The following LARP1 variants were observed in gnomAD, a reference collection of about 807,000 sequenced individuals.
The protein encoded by LARP1 is La ribonucleoprotein 1, translational regulator, also known as la-related protein 1.
In LARP1, 36 loss-of-function variants were observed where a neutral mutation model predicts 122.7. The observed-to-expected ratio is 0.29, with a 90% CI of 0.22 to 0.39. LARP1 has a LOEUF of 0.39. Among genes scored for constraint, LARP1 ranks in the 10% least tolerant of loss-of-function variants. The probability of loss-of-function intolerance (pLI) is 1.00; values close to 1 mark genes in which losing one functional copy is unlikely to be tolerated. For missense variants in LARP1, 1,040 were observed against 1,403.6 expected, an observed-to-expected ratio of 0.74 and a Z score of 4.14; for synonymous variants, 539 against 528.7, an observed-to-expected ratio of 1.02 and a Z score of -0.27.
chr5:154,755,355 T>A (rs1753763003), upstream of LARP1, among the ~76,000 whole-genome samples: 1 of 149,194 alleles, frequency 6.7e-6, no homozygotes, highest in African/African-American at 2.5e-5. Context: ...TCTGCTTGGC[T>A]CGCCGCGCCT....
At chr5:154,763,934 A>C (rs113986514) in intron 1 of LARP1, among the ~76,000 whole-genome samples, 3,914 of 151,918 alleles carry the variant, frequency 0.026, 162 homozygotes, top group African/African-American at 0.09. Context: ...GGATCACTTG[A>C]GCCTTGGGAG....
Position 154,802,662 on chromosome 5 carries a change from T to A in LARP1, c.2109+263T>A, listed in dbSNP as rs1758443749. ...GATCCATAGTTAATATTCTGACAGT[T>A]GGCTAGACACTTTTGTGGGGAACAG... is the stretch of plus-strand genomic sequence containing the variant. On this transcript the variant is annotated intron_variant, in intron 11 of 18. Transcript: ENST00000518297. The surrounding 1 kb of genome is among the most constrained non-coding windows in gnomAD (Gnocchi z 5.1). Among the ~76,000 whole-genome samples the A allele has an allele frequency of 6.6e-6, 1 of 152,218 alleles. No individual in the cohort carries two copies. Among genetic ancestry groups the A allele is most frequent in the Non-Finnish European group, 1.5e-5 (1 of 68,040 alleles).
rs1280502380 is a variant in LARP1, at chr5:154,803,258, A to T, written c.2110-32A>T. ...AGGCTAGAGCAGCCTGCTTACTTACATCTTTCCCCACTCATCTCATGACCT... is the reference window on the plus strand; with the variant it reads ...AGGCTAGAGCAGCCTGCTTACTTACTTCTTTCCCCACTCATCTCATGACCT... On this transcript the variant is annotated intron_variant, in intron 11 of 18. Coordinates refer to ENST00000518297, the MANE Select transcript of LARP1 (RefSeq NM_033551.3). The surrounding 1 kb of genome is among the most constrained non-coding windows in gnomAD (Gnocchi z 4.4). The T allele has an allele frequency of 1.2e-6, 2 of 1,614,060 alleles. No individual in the cohort carries two copies. The highest frequency in any genetic ancestry group is 4.5e-5 in the East Asian group (2 of 44,872).
intron 3 of LARP1, 57 bp from the exon 4 acceptor site, chr5:154,792,565 C>T (rs1437674734): frequency 3.9e-6 from 6 of 1,536,062 alleles, no homozygotes; most frequent in East Asian, 4.5e-5. Flanking sequence ...AGTGCCTTCC[C>T]TCCTATACCA....
intron 10 of LARP1, among the ~76,000 whole-genome samples, chr5:154,800,660 TCTAA>T (rs1443288981): frequency 2.6e-5 from 4 of 152,184 alleles, no homozygotes; most frequent in Admixed American, 6.5e-5. Context: ...TATTGCAATC[TCTAA>T]CTAAAATTAC....
At chr5:154,756,494 C>T (rs1753921717) in intron 1 of LARP1, 9 of 985,976 alleles carry the variant, frequency 9.1e-6, no homozygotes, top group Non-Finnish European at 1.1e-5. Flanking sequence ...GCGCTGGTTT[C>T]AGTGAAACGA....
At chr5:154,760,126 C>A (rs879826241) in intron 1 of LARP1, among the ~76,000 whole-genome samples, 1 of 152,012 alleles carries the variant, frequency 6.6e-6, no homozygotes, top group Non-Finnish European at 1.5e-5. Flanking sequence ...TTTAGTAGAA[C>A]GGGGTTTCTC....
chr5:154,779,578 G>T lies in LARP1; in HGVS notation c.437-10747G>T, dbSNP rs149068762. ...GACTGGAGTGCAGTGGCGCAATCTC[G>T]GCTCACCGCAACCTCCACCTCCCGG... On this transcript the variant is annotated intron_variant, in intron 1 of 18. Transcript: ENST00000518297. Among the ~76,000 whole-genome samples the T allele has an allele frequency of 4.8e-5, 7 of 147,080 alleles. No homozygotes were observed. In the Admixed American group the frequency reaches 4.9e-4, roughly 10 times the overall value.
upstream of LARP1, among the ~76,000 whole-genome samples, chr5:154,752,714 A>G (rs998982007): frequency 2.0e-5 from 3 of 151,792 alleles, no homozygotes; most frequent in African/African-American, 7.3e-5. Flanking sequence ...TGAGGTGGGC[A>G]GATCACCTGA....
rs1047118782 is a variant in LARP1, at chr5:154,815,869, G to C, written c.*1773G>C. 6.6e-6 allele frequency: 1 copy of C among 152,366 alleles called. No homozygotes were observed. Among genetic ancestry groups the C allele is most frequent in the Non-Finnish European group, 1.5e-5 (1 of 68,094 alleles). The allele number at this position is 152,366 out of a possible 1,614,324, so 9.4% of individuals were successfully genotyped here. On this transcript the variant is annotated 3_prime_UTR_variant, in exon 19 of 19. Transcript: ENST00000518297. ...ACCCACATGGACTGGGATGTGTGTC[G>C]GTTATGGGCATGACTGCACGTTCAC... is the stretch of plus-strand genomic sequence containing the variant.
upstream of LARP1, among the ~76,000 whole-genome samples, chr5:154,751,508 CTACTCCTGACTATTTGGTCAT>C (rs1204163598): frequency 9.9e-5 from 15 of 152,168 alleles, no homozygotes; most frequent in Admixed American, 4.6e-4. Context: ...ATAAAAGTAG[CTACTCCTGACTATTTGGTCAT>C]TACTCCTGAC....
At chr5:154,706,270 G>A (rs1754939909) in intron 1 of LARP1, among the ~76,000 whole-genome samples, 1 of 150,042 alleles carries the variant, frequency 6.7e-6, no homozygotes, top group African/African-American at 2.5e-5. Flanking sequence ...CTGCAGCCTG[G>A]GAGACAGAGT....
chr5:154,808,656 TC>T, intron 16 of LARP1, 53 bp downstream of exon 16: 1 of 1,559,192 alleles, frequency 6.4e-7, no homozygotes, highest in Non-Finnish European at 8.7e-7. Flanking sequence ...TGATGTGGGA[TC>T]CCTAGTTGGT....
At chr5:154,783,396 G>T (rs1316477204) in intron 1 of LARP1, among the ~76,000 whole-genome samples, 1 of 152,174 alleles carries the variant, frequency 6.6e-6, no homozygotes, top group East Asian at 1.9e-4. Flanking sequence ...GGTGCCACTT[G>T]TCCAGCTGTT....
chr5:154,780,085 C>T (rs551743595), intron 1 of LARP1, among the ~76,000 whole-genome samples: 10 of 152,182 alleles, frequency 6.6e-5, no homozygotes, highest in South Asian at 6.2e-4. Flanking sequence ...CTAGTTGCTA[C>T]TCGAGAACTC....
chr5:154,758,648 T>C (rs1754200748), intron 1 of LARP1, among the ~76,000 whole-genome samples: 1 of 152,180 alleles, frequency 6.6e-6, no homozygotes, highest in African/African-American at 2.4e-5. Context: ...TGTGTGGTCT[T>C]GGGAATTTTT....
At chr5:154,752,589 G>A (rs146125141), upstream of LARP1, among the ~76,000 whole-genome samples, 371 of 152,154 alleles carry the variant, frequency 2.4e-3, 2 homozygotes, top group African/African-American at 8.3e-3. Context: ...TGCAAAACAA[G>A]GAGAATGAGT....
chr5:154,811,668 C>CT, intron 18 of LARP1, 28 bp downstream of exon 18: 2 of 1,613,440 alleles, frequency 1.2e-6, no homozygotes, highest in Non-Finnish European at 1.7e-6. Context: ...TCTAACTCTG[C>CT]TTGTCCTGGA....
At chr5:154,792,426 C>A (rs1021445987) in intron 3 of LARP1, among the ~76,000 whole-genome samples, 196 bp from the exon 4 acceptor site, 1 of 152,186 alleles carries the variant, frequency 6.6e-6, no homozygotes, top group East Asian at 1.9e-4. Context: ...AAGTTGCCTT[C>A]CCACCTTCTG....
Sources: gnomAD v4.1 joint callset for allele counts (sites outside exome capture counted in the v4.1 genomes callset) on GRCh38, gnomAD v4.1.1 for gene constraint, Gnocchi (gnomAD v3.1) non-coding constraint, MANE v1.5 for transcripts, NCBI Gene and HGNC (gene_info 2026-07-23, HGNC 2026-07-21) for gene names.